Variants in RPS6KA1 observed in about 807,000 individuals in gnomAD.
The protein encoded by RPS6KA1 is ribosomal protein S6 kinase alpha-1.
Under a neutral mutation model 91.3 loss-of-function variants are expected in RPS6KA1, and 48 were observed. That is an observed-to-expected ratio of 0.53 (90% CI 0.42 to 0.67). The LOEUF (loss-of-function observed/expected upper bound fraction) is 0.67. Ranked by LOEUF, RPS6KA1 falls within the 30% of genes least tolerant of loss-of-function variation. The probability of loss-of-function intolerance (pLI) is 0.00; values close to 1 mark genes in which losing one functional copy is unlikely to be tolerated. For missense variants in RPS6KA1, 719 were observed against 960.5 expected (o/e 0.75, Z 3.32); for synonymous variants, 359 against 384.7 (o/e 0.93, Z 0.78).
intron 17 of RPS6KA1, among the ~76,000 whole-genome samples, chr1:26,563,891 G>C (rs1467057191): frequency 6.6e-6 from 1 of 152,156 alleles, no homozygotes; most frequent in Non-Finnish European, 1.5e-5. Context: ...GGGAAGCCAA[G>C]ATGGGCAGAT....
chr1:26,561,804 G>A lies in RPS6KA1; in HGVS notation c.1590+141G>A, dbSNP rs559249852. ...ACACTAGGGCTGGGTGGGTGGATGC[G>A]TGCAAAGGAAGGAGGGAGAGATGTG... is the stretch of plus-strand genomic sequence containing the variant. On this transcript the variant is annotated intron_variant, in intron 17 of 21. Transcript: ENST00000374168. The surrounding 1 kb of genome is among the most constrained non-coding windows in gnomAD (Gnocchi z 5.7). 49 of 792,028 alleles carry A rather than the reference G, an allele frequency of 6.2e-5. No individual in the cohort carries two copies. The highest frequency in any genetic ancestry group is 7.1e-5 in the South Asian group (4 of 56,486). The allele number at this position is 792,028 out of a possible 1,614,324, so 49.1% of individuals were successfully genotyped here.
chr1:26,566,079 T>G (rs952935193), intron 17 of RPS6KA1, among the ~76,000 whole-genome samples: 13 of 152,286 alleles, frequency 8.5e-5, no homozygotes, highest in African/African-American at 2.6e-4. Flanking sequence ...GTTGATTGTA[T>G]ACCTAGCAAT....
At chr1:26,534,701 C>A (rs2075893851) in intron 1 of RPS6KA1, among the ~76,000 whole-genome samples, 1 of 152,150 alleles carries the variant, frequency 6.6e-6, no homozygotes, top group East Asian at 1.9e-4. Flanking sequence ...TTACTTTGAT[C>A]CGCATTTCAC....
In RPS6KA1 at chr1:26,574,088, G is replaced by T; in HGVS notation, c.2095G>T (p.Ala699Ser). ...QDLQLVKGAM[A>S]ATYSALNSSK... ...CCCACTTCTCTTTCAGGGAGCCATG[G>T]CTGCCACGTACTCCGCACTCAACAG... The change falls in exon 22 of 22, where the codon GCT becomes TCT. Residue 699 changes from alanine (A) to serine (S), a missense_variant. Ala to Ser is a moderately conservative substitution (Grantham distance 99). Transcript: ENST00000374168. The surrounding 1 kb of genome is among the most constrained non-coding windows in gnomAD (Gnocchi z 4.3). 1.2e-6 allele frequency: 2 copies of T among 1,613,928 alleles called. No individual in the cohort carries two copies. Among genetic ancestry groups the T allele is most frequent in the Non-Finnish European group, 1.7e-6 (2 of 1,179,856 alleles).
At chr1:26,562,825 CTTTTTTTTTTT>C (rs748764001) in intron 17 of RPS6KA1, among the ~76,000 whole-genome samples, 5 of 81,432 alleles carry the variant, frequency 6.1e-5, no homozygotes, top group African/African-American at 1.5e-4. Context: ...TCCTATTGTC[CTTTTTTTTTTT>C]TTTTTTTTTT....
rs76844950 is a variant in RPS6KA1, at chr1:26,544,438, T to C, written c.109-2429T>C. On this transcript the variant is annotated intron_variant, in intron 2 of 21. Coordinates refer to ENST00000374168, the MANE Select transcript of RPS6KA1 (RefSeq NM_002953.4). ...CCTGTTGGGTTTGTGTCACCATCTG[T>C]CTCTGCCTTTTGGATACATGTCCCC... Among the ~76,000 whole-genome samples, 92 of 152,116 alleles carry C rather than the reference T, an allele frequency of 6.0e-4. 1 individual carries two copies. In the East Asian group the frequency reaches 0.012, roughly 19 times the overall value.
chr1:26,545,729 T>C (rs2075988585), intron 2 of RPS6KA1: 1 of 892,610 alleles, frequency 1.1e-6, no homozygotes, highest in Non-Finnish European at 1.6e-6. Flanking sequence ...GAAGGGAACG[T>C]GGTGAGGGTG....
chr1:26,560,784 G>A lies in RPS6KA1; in HGVS notation c.1274G>A (p.Gly425Asp). 1.9e-6 allele frequency: 3 copies of A among 1,614,218 alleles called. No homozygotes were observed. Among genetic ancestry groups the A allele is most frequent in the Non-Finnish European group, 2.5e-6 (3 of 1,180,038 alleles). ...SDGYVVKETI[G>D]VGSYSECKRC... ...GGCTACGTGGTAAAGGAGACAATTG[G>A]TGTGGGCTCCTACTCTGAGTGCAAG... Residue 425 changes from glycine (G) to aspartate (D), a missense_variant, in exon 15 of 22, where the codon GGT becomes GAT. Around this residue, in one of 5 missense-constraint regions of RPS6KA1, gnomAD observed 228 missense variants for 247.6 expected, o/e 0.92. Transcript: ENST00000374168.
chr1:26,551,544 A>G lies in RPS6KA1; in HGVS notation c.388+67A>G. 12 of 1,601,292 alleles carry G rather than the reference A, an allele frequency of 7.5e-6. No homozygotes were observed. Among genetic ancestry groups the G allele is most frequent in the East Asian group, 2.2e-5 (1 of 44,808 alleles). ...CTTCGCCCTTGCCTGTGGTCTGTACACTGTCCCACCGCCTGCCTGGCAGGC... is the reference window on the plus strand; with the variant it reads ...CTTCGCCCTTGCCTGTGGTCTGTACGCTGTCCCACCGCCTGCCTGGCAGGC... On this transcript the variant is annotated intron_variant, in intron 5 of 21. Coordinates refer to ENST00000374168, the MANE Select transcript of RPS6KA1 (RefSeq NM_002953.4). The surrounding 1 kb of genome is among the most constrained non-coding windows in gnomAD (Gnocchi z 4.5).
At chr1:26,572,682 G>A (rs988488508) in intron 20 of RPS6KA1, among the ~76,000 whole-genome samples, 22 of 152,298 alleles carry the variant, frequency 1.4e-4, no homozygotes, top group African/African-American at 4.6e-4. Flanking sequence ...CAGAGCAACT[G>A]GCCATGCCAA....
intron 17 of RPS6KA1, among the ~76,000 whole-genome samples, chr1:26,565,321 G>C (rs1467666637): frequency 6.6e-6 from 1 of 152,128 alleles, no homozygotes; most frequent in African/African-American, 2.4e-5. Context: ...ACCCCTGTTT[G>C]TTTGAATATT....
chr1:26,530,751 C>T (rs559824015), intron 1 of RPS6KA1: 4 of 1,285,410 alleles, frequency 3.1e-6, no homozygotes, highest in Non-Finnish European at 4.1e-6. Flanking sequence ...TCAGAAGCAG[C>T]TCCTGACCTC....
chr1:26,570,243 G>A (rs1466554555), intron 17 of RPS6KA1, among the ~76,000 whole-genome samples: 4 of 152,174 alleles, frequency 2.6e-5, no homozygotes, highest in African/African-American at 9.7e-5. Context: ...CCAGCACTTT[G>A]AGAGGCCCAG....
In RPS6KA1 at chr1:26,547,388, A is replaced by C; in HGVS notation, c.307+118A>C. ...TCTGTCTTCAGGAGCACCTAGTTCAAAGGTGGAGAAACAGGCCTATTTCTC... is the reference window on the plus strand; with the variant it reads ...TCTGTCTTCAGGAGCACCTAGTTCACAGGTGGAGAAACAGGCCTATTTCTC... On this transcript the variant is annotated intron_variant, in intron 4 of 21. Transcript: ENST00000374168. This position sits in a 1 kb window ranked among gnomAD's most constrained non-coding sequence, Gnocchi z 4.1. 1.3e-6 allele frequency: 1 copy of C among 768,910 alleles called. No individual in the cohort carries two copies. The highest frequency in any genetic ancestry group is 2.2e-6 in the Non-Finnish European group (1 of 461,134). 47.6% of individuals were successfully genotyped at this position (768,910 alleles called of 1,614,324 possible).
chr1:26,556,564 TCCCAGAGC>T, intron 11 of RPS6KA1, 82 bp from the exon 12 acceptor site: 1 of 1,379,346 alleles, frequency 7.2e-7, no homozygotes. Flanking sequence ...CAGCAGCTGG[TCCCAGAGC>T]CCTGTGAGGC....
At chr1:26,530,098 G>A in intron 1 of RPS6KA1, 115 bp downstream of exon 1, 1 of 581,314 alleles carries the variant, frequency 1.7e-6, no homozygotes, top group Non-Finnish European at 2.5e-6. Context: ...GGGCGCGAGT[G>A]CCCTCCGATC....
chr1:26,561,252 G>A lies in RPS6KA1; in HGVS notation c.1431+118G>A, dbSNP rs993718477. On this transcript the variant is annotated intron_variant, in intron 16 of 21. Coordinates refer to ENST00000374168, the MANE Select transcript of RPS6KA1 (RefSeq NM_002953.4). The surrounding 1 kb of genome is among the most constrained non-coding windows in gnomAD (Gnocchi z 5.7). The stretch of plus-strand genomic sequence containing the variant: ...TTTCCAGTGGTCATGTGGAGGGGAA[G>A]GAGGTCCCTTGGTCCCTTCAGTCTG... 8.5e-6 allele frequency: 9 copies of A among 1,060,958 alleles called. No individual in the cohort carries two copies. Among genetic ancestry groups the A allele is most frequent in the Middle Eastern group, 2.2e-4 (1 of 4,514 alleles). 65.7% of individuals were successfully genotyped at this position (1,060,958 alleles called of 1,614,324 possible). A position where few individuals can be genotyped will look rare whatever the true frequency, so the allele number is the denominator to read the frequency against.
chr1:26,560,770 A>C lies in RPS6KA1; in HGVS notation c.1260A>C (p.Val420=), dbSNP rs551671306. ...KNLVFSDGYV[V]KETIGVGSYS... is the part of the protein sequence containing the mutation. Reference sequence around the variant, plus strand: ...TGGTTTTTAGTGACGGCTACGTGGTAAAGGAGACAATTGGTGTGGGCTCCT... The same window carrying C: ...TGGTTTTTAGTGACGGCTACGTGGTCAAGGAGACAATTGGTGTGGGCTCCT... Residue 420 remains valine (V), a synonymous_variant, in exon 15 of 22, where the codon GTA becomes GTC. Transcript: ENST00000374168. 1 of 1,614,216 alleles carries C rather than the reference A, an allele frequency of 6.2e-7. No individual in the cohort carries two copies. Among genetic ancestry groups the C allele is most frequent in the Non-Finnish European group, 8.5e-7 (1 of 1,180,030 alleles).
rs1463408677 is a variant in RPS6KA1, at chr1:26,540,944, C to T, written c.108+3975C>T. 6.6e-6 allele frequency among the ~76,000 whole-genome samples: 1 copy of T among 152,184 alleles called. No homozygotes were observed. Among genetic ancestry groups the T allele is most frequent in the African/African-American group, 2.4e-5 (1 of 41,450 alleles). On this transcript the variant is annotated intron_variant, in intron 2 of 21. Transcript: ENST00000374168. The surrounding 1 kb of genome is among the most constrained non-coding windows in gnomAD (Gnocchi z 4.2). ...TAGCTGGGATTGCAGGCATATGCCA[C>T]TATGCCCGGCTAATTTCATATTTTT...
Sources: gnomAD v4.1 joint callset for allele counts (sites outside exome capture counted in the v4.1 genomes callset) on GRCh38, gnomAD v4.1.1 for gene constraint, gnomAD v4.1.1 regional missense constraint, Gnocchi (gnomAD v3.1) non-coding constraint, MANE v1.5 for transcripts, NCBI Gene and HGNC (gene_info 2026-07-23, HGNC 2026-07-21) for gene names.